Variants in GBE1 observed in about 807,000 individuals in gnomAD.
GBE1 encodes the protein 1,4-alpha-glucan branching enzyme 1.
In GBE1, 70 loss-of-function variants were observed where a neutral mutation model predicts 88.8. The observed-to-expected ratio is 0.79, with a 90% CI of 0.65 to 0.96. The LOEUF (loss-of-function observed/expected upper bound fraction) is 0.96. Among genes scored for constraint, GBE1 ranks in the 40% least tolerant of loss-of-function variants. The probability of loss-of-function intolerance (pLI) is 0.00; values close to 1 mark genes in which losing one functional copy is unlikely to be tolerated. For missense variants in GBE1, 872 were observed against 871.0 expected (o/e 1.00, Z -0.01); for synonymous variants, 284 against 300.1 (o/e 0.95, Z 0.56).
chr3:81,531,094 C>G (rs1703006307), intron 14 of GBE1, among the ~76,000 whole-genome samples: 1 of 151,296 alleles, frequency 6.6e-6, no homozygotes, highest in South Asian at 2.1e-4. Flanking sequence ...CCTCTCTATC[C>G]ATGGCCACCA....
At chr3:81,667,841 C>T (rs1300019592) in intron 3 of GBE1, among the ~76,000 whole-genome samples, 1 of 152,058 alleles carries the variant, frequency 6.6e-6, no homozygotes, top group Non-Finnish European at 1.5e-5. Context: ...CTGCTGGATT[C>T]GGTTTGCCCG....
At chr3:81,655,929 T>C (rs1357969865) in intron 3 of GBE1, among the ~76,000 whole-genome samples, 1 of 152,210 alleles carries the variant, frequency 6.6e-6, no homozygotes, top group African/African-American at 2.4e-5. Flanking sequence ...CAATTTAAAG[T>C]AAAGCTCATA....
chr3:81,682,730 C>T (rs1306697363), intron 2 of GBE1, among the ~76,000 whole-genome samples: 2 of 152,102 alleles, frequency 1.3e-5, no homozygotes, highest in Admixed American at 6.5e-5. Flanking sequence ...CCATTAGACA[C>T]AGCAATTCCA....
chr3:81,619,698 A>T (rs1704299287), intron 7 of GBE1, among the ~76,000 whole-genome samples: 1 of 152,136 alleles, frequency 6.6e-6, no homozygotes, highest in African/African-American at 2.4e-5. Context: ...TTTTAAAATT[A>T]TCCTCTAGGT....
chr3:81,620,702 G>T (rs1424991996), intron 7 of GBE1, among the ~76,000 whole-genome samples: 1 of 152,010 alleles, frequency 6.6e-6, no homozygotes, highest in African/African-American at 2.4e-5. Flanking sequence ...TACAATATTA[G>T]ATTTGTTTAA....
chr3:81,618,526 A>C lies in GBE1; in HGVS notation c.992+24255T>G, dbSNP rs79456744. On this transcript the variant is annotated intron_variant, in intron 7 of 15. Transcript: ENST00000429644. ...ACTGAAAAGGATCATTTTCGTGTTAATTTTTAGGCAGGACAAAGAGGAATA... is the reference window on the plus strand; with the variant it reads ...ACTGAAAAGGATCATTTTCGTGTTACTTTTTAGGCAGGACAAAGAGGAATA... Among the ~76,000 whole-genome samples, 1,073 of 152,242 alleles carry C rather than the reference A, an allele frequency of 7.0e-3. 8 individuals carry two copies. Among genetic ancestry groups the C allele is most frequent in the Middle Eastern group, 0.024 (7 of 294 alleles).
At chr3:81,652,382 C>G (rs1223509142) in intron 3 of GBE1, among the ~76,000 whole-genome samples, 5 of 152,232 alleles carry the variant, frequency 3.3e-5, no homozygotes, top group Non-Finnish European at 5.9e-5. Flanking sequence ...AATCAAATCA[C>G]AGACTTGACA....
chr3:81,624,049 A>G (rs1355560869), intron 7 of GBE1, among the ~76,000 whole-genome samples: 1 of 152,164 alleles, frequency 6.6e-6, no homozygotes, highest in East Asian at 1.9e-4. Flanking sequence ...TAGGTAATTT[A>G]TAAAGGAAAA....
At chr3:81,617,214 T>A (rs1309841521) in intron 7 of GBE1, among the ~76,000 whole-genome samples, 2 of 151,986 alleles carry the variant, frequency 1.3e-5, no homozygotes, top group East Asian at 1.9e-4. Flanking sequence ...TCTTATTTTC[T>A]TTTCTTTTTA....
intron 3 of GBE1, among the ~76,000 whole-genome samples, chr3:81,661,469 G>A (rs772770114): frequency 1.3e-4 from 20 of 152,058 alleles, no homozygotes; most frequent in Non-Finnish European, 2.1e-4. Flanking sequence ...ACCACCTGTC[G>A]CATTAAACAC....
At chr3:81,515,957 G>T (rs1559630574) in intron 14 of GBE1, among the ~76,000 whole-genome samples, 1 of 151,608 alleles carries the variant, frequency 6.6e-6, no homozygotes, top group Non-Finnish European at 1.5e-5. Context: ...GGAGAGACTG[G>T]TTCTTAAGGT....
At chr3:81,633,886 C>A (rs1481724083) in intron 7 of GBE1, among the ~76,000 whole-genome samples, 4 of 152,128 alleles carry the variant, frequency 2.6e-5, no homozygotes, top group Admixed American at 1.3e-4. Context: ...ATCCATCCTG[C>A]ATGTATGTTG....
chr3:81,744,642 C>T (rs1185884032), intron 1 of GBE1, among the ~76,000 whole-genome samples: 1 of 152,160 alleles, frequency 6.6e-6, no homozygotes, highest in Admixed American at 6.6e-5. Context: ...TATAAAGAAA[C>T]ATGTTGCTGT....
chr3:81,745,054 T>G (rs914126734), intron 1 of GBE1, among the ~76,000 whole-genome samples: 1 of 152,200 alleles, frequency 6.6e-6, no homozygotes, highest in Non-Finnish European at 1.5e-5. Flanking sequence ...TTTGCCTAAC[T>G]GAGCTCCTGT....
chr3:81,620,416 T>G (rs2107011762), intron 7 of GBE1, among the ~76,000 whole-genome samples: 1 of 152,150 alleles, frequency 6.6e-6, no homozygotes, highest in South Asian at 2.1e-4. Context: ...ACTCCTGACC[T>G]CGTAATCCGC....
intron 2 of GBE1, among the ~76,000 whole-genome samples, chr3:81,693,911 A>C (rs11127740): frequency 0.32 from 49,250 of 151,948 alleles, 8,058 homozygotes; most frequent in East Asian, 0.45. Context: ...AGAGAATAAA[A>C]CTTTGATATT....
chr3:81,582,864 A>C (rs943370590), intron 10 of GBE1, among the ~76,000 whole-genome samples: 6 of 152,064 alleles, frequency 3.9e-5, no homozygotes, highest in Admixed American at 6.6e-5. Context: ...ATACAAGGGA[A>C]AAAATGATAA....
intron 12 of GBE1, among the ~76,000 whole-genome samples, chr3:81,561,829 T>C (rs1703422243): frequency 6.6e-6 from 1 of 152,112 alleles, no homozygotes; most frequent in Non-Finnish European, 1.5e-5. Context: ...GCCCTCATTC[T>C]GTTTCACCTT....
At chr3:81,698,034 T>C (rs982492770) in intron 2 of GBE1, among the ~76,000 whole-genome samples, 1 of 147,704 alleles carries the variant, frequency 6.8e-6, no homozygotes, top group African/African-American at 2.5e-5. Context: ...TATATAATTT[T>C]ATATATATAT....
Sources: allele counts gnomAD v4.1 joint callset (sites outside exome capture counted in the v4.1 genomes callset), GRCh38; gene constraint gnomAD v4.1.1; transcripts MANE v1.5; gene names NCBI Gene and HGNC (gene_info 2026-07-23, HGNC 2026-07-21).